The following NPAS3 variants were observed in gnomAD, a reference collection of about 807,000 sequenced individuals.
The protein encoded by NPAS3 is neuronal PAS domain-containing protein 3.
NPAS3 carries 14 observed loss-of-function variants against 73.1 expected under a neutral mutation model. That is an observed-to-expected ratio of 0.19 (90% CI 0.13 to 0.30). The LOEUF (loss-of-function observed/expected upper bound fraction) is 0.30. NPAS3 is among the 10% of genes least tolerant of loss of function. The pLI is 1.00. For synonymous variants in NPAS3, 620 were observed against 541.5 expected, an observed-to-expected ratio of 1.14 and a Z score of -2.01; for missense variants, 1,096 against 1,250.0, an observed-to-expected ratio of 0.88 and a Z score of 1.86.
At chr14:33,033,160 A>G (rs1050114999) in intron 1 of NPAS3, among the ~76,000 whole-genome samples, 5 of 152,200 alleles carry the variant, frequency 3.3e-5, no homozygotes, top group Non-Finnish European at 7.3e-5. Flanking sequence ...TAATATATTA[A>G]TATCATAATT....
chr14:33,756,649 G>T (rs1286842781), intron 7 of NPAS3, among the ~76,000 whole-genome samples: 5 of 152,212 alleles, frequency 3.3e-5, no homozygotes, highest in Non-Finnish European at 5.9e-5. Context: ...TACCTTAGAG[G>T]CTATTGTAAG....
At chr14:33,064,814 G>T (rs528969294) in intron 2 of NPAS3, among the ~76,000 whole-genome samples, 6 of 152,218 alleles carry the variant, frequency 3.9e-5, no homozygotes, top group Admixed American at 3.9e-4. Flanking sequence ...AATGGTGTGT[G>T]TTTCTATGAA....
intron 3 of NPAS3, among the ~76,000 whole-genome samples, chr14:33,343,644 G>A (rs1169510226): frequency 3.3e-5 from 5 of 152,134 alleles, no homozygotes; most frequent in African/African-American, 1.2e-4. Flanking sequence ...AGTAATTAGG[G>A]GGACATCTTG....
intron 5 of NPAS3, among the ~76,000 whole-genome samples, chr14:33,653,164 T>A (rs987853639): frequency 2.6e-5 from 4 of 152,236 alleles, no homozygotes; most frequent in Admixed American, 2.6e-4. Flanking sequence ...AAGTTGCATA[T>A]AATTTTTTAA....
intron 3 of NPAS3, among the ~76,000 whole-genome samples, chr14:33,252,151 A>G (rs1054421601): frequency 3.3e-5 from 5 of 150,546 alleles, no homozygotes; most frequent in African/African-American, 1.2e-4. Flanking sequence ...ATGACGAGCT[A>G]TTGTGATTTA....
chr14:33,125,148 G>A (rs2043379223), intron 2 of NPAS3, among the ~76,000 whole-genome samples: 1 of 151,998 alleles, frequency 6.6e-6, no homozygotes, highest in African/African-American at 2.4e-5. Flanking sequence ...CCAGACTTTT[G>A]CTTGGCATGT....
intron 7 of NPAS3, among the ~76,000 whole-genome samples, chr14:33,771,326 A>G (rs1434660877): frequency 1.3e-5 from 2 of 152,202 alleles, no homozygotes; most frequent in African/African-American, 4.8e-5. Context: ...AAACCCACAC[A>G]TACACACAGA....
chr14:33,379,596 C>A (rs932116923), intron 4 of NPAS3, among the ~76,000 whole-genome samples: 4 of 152,060 alleles, frequency 2.6e-5, no homozygotes, highest in African/African-American at 9.7e-5. Flanking sequence ...TATCTTGGAC[C>A]CAAAACTCAG....
chr14:33,458,688 CTG>C (rs1174502143), intron 4 of NPAS3, among the ~76,000 whole-genome samples: 1 of 152,164 alleles, frequency 6.6e-6, no homozygotes, highest in African/African-American at 2.4e-5. Context: ...AAAATTTAAA[CTG>C]TATGCTTTGT....
chr14:33,778,565 C>T (rs2062889514), exon 9 of NPAS3: 2 of 1,605,494 alleles, frequency 1.2e-6, no homozygotes, highest in African/African-American at 1.3e-5. Flanking sequence ...GGCACAGTCA[C>T]TTGGACTGTA....
chr14:32,968,897 G>A (rs2037304574), intron 1 of NPAS3, among the ~76,000 whole-genome samples: 1 of 151,976 alleles, frequency 6.6e-6, no homozygotes, highest in African/African-American at 2.4e-5. Context: ...TAGGTATTAA[G>A]CCCAGCATCC....
rs5807715 is a variant in NPAS3, at chr14:33,325,733, G to GT, written c.386-41440dup. On this transcript the variant is annotated intron_variant, in intron 3 of 11. Coordinates refer to ENST00000356141, the Ensembl canonical transcript of NPAS3. ...AATAAGTCTTATTCATTCTATCTGG[G>GT]TTTTTTTTTTTTTGGTACCCATTAA... is the stretch of plus-strand genomic sequence containing the variant. Among the ~76,000 whole-genome samples the GT allele has an allele frequency of 5.0e-3, 704 of 141,410 alleles. 3 individuals carry two copies. The highest frequency in any genetic ancestry group is 0.017 in the East Asian group (82 of 4,884). The allele number at this position is 141,410 out of a possible 152,430, so 92.8% of individuals were successfully genotyped here.
intron 4 of NPAS3, among the ~76,000 whole-genome samples, chr14:33,446,006 G>A (rs114950872): frequency 0.016 from 2,450 of 149,522 alleles, 64 homozygotes; most frequent in African/African-American, 0.058. Context: ...TGTGGCTTTA[G>A]TGAAATCTAG....
chr14:33,564,558 G>A (rs915247280), intron 5 of NPAS3, among the ~76,000 whole-genome samples: 7 of 152,196 alleles, frequency 4.6e-5, no homozygotes, highest in South Asian at 2.1e-4. Context: ...CCTCACAATA[G>A]CATTGGCTAG....
intron 1 of NPAS3, among the ~76,000 whole-genome samples, chr14:33,021,060 G>T (rs1336612633): frequency 6.6e-6 from 1 of 152,072 alleles, no homozygotes; most frequent in African/African-American, 2.4e-5. Flanking sequence ...CACTGCACCC[G>T]GCCAGGTCCG....
chr14:33,147,777 A>T (rs1260394297), intron 2 of NPAS3, among the ~76,000 whole-genome samples: 2 of 147,516 alleles, frequency 1.4e-5, no homozygotes, highest in African/African-American at 5.0e-5. Context: ...GTTTGGATTA[A>T]AAAAAGTATG....
chr14:33,645,553 T>G (rs1202458483), intron 5 of NPAS3, among the ~76,000 whole-genome samples: 1 of 152,204 alleles, frequency 6.6e-6, no homozygotes, highest in African/African-American at 2.4e-5. Context: ...AGTATCTGCA[T>G]AAAAGCAGCT....
intron 6 of NPAS3, among the ~76,000 whole-genome samples, chr14:33,679,843 AAAAAGATCCATT>A (rs1369359768): frequency 6.6e-6 from 1 of 152,244 alleles, no homozygotes; most frequent in Non-Finnish European, 1.5e-5. Context: ...GGAGGAGAAA[AAAAAGATCCATT>A]GATTGTACAG....
intron 7 of NPAS3, among the ~76,000 whole-genome samples, chr14:33,750,891 G>T (rs1451938158): frequency 1.3e-5 from 2 of 152,178 alleles, no homozygotes; most frequent in Non-Finnish European, 2.9e-5. Context: ...AAATGATTCT[G>T]TCTGGTATAA....
Sources: allele counts gnomAD v4.1 joint callset (sites outside exome capture counted in the v4.1 genomes callset), GRCh38; gene constraint gnomAD v4.1.1; transcripts MANE v1.5; gene names NCBI Gene and HGNC (gene_info 2026-07-23, HGNC 2026-07-21).